CLOCK: variants seen among roughly 807,000 people sequenced by gnomAD.
CLOCK encodes clock circadian regulator.
CLOCK carries 43 observed loss-of-function variants against 118.4 expected under a neutral mutation model. That is an observed-to-expected ratio of 0.36 (90% confidence interval 0.28 to 0.47). The LOEUF (loss-of-function observed/expected upper bound fraction) is 0.47. CLOCK is among the 20% of genes least tolerant of loss of function. The probability of loss-of-function intolerance (pLI) is 1.00; values close to 1 mark genes in which losing one functional copy is unlikely to be tolerated. For missense variants in CLOCK, 846 were observed against 999.9 expected (o/e 0.85, Z 2.08); for synonymous variants, 326 against 339.2 (o/e 0.96, Z 0.43).
chr4:55,489,194 C>T (rs1175464799), intron 3 of CLOCK, among the ~76,000 whole-genome samples, 180 bp downstream of exon 3: 5 of 152,142 alleles, frequency 3.3e-5, no homozygotes, highest in African/African-American at 7.2e-5. Flanking sequence ...CACTGAATCC[C>T]CAGTATCTAA....
intron 1 of CLOCK, among the ~76,000 whole-genome samples, chr4:55,515,143 A>T (rs1429128350): frequency 1.3e-5 from 2 of 152,180 alleles, no homozygotes; most frequent in Non-Finnish European, 2.9e-5. Context: ...GGTCCATTTC[A>T]TCTAGGTTAT....
At chr4:55,540,536 A>G (rs1349112652) in intron 1 of CLOCK, 3 of 151,988 alleles carry the variant, frequency 2.0e-5, no homozygotes, top group Non-Finnish European at 4.4e-5. Flanking sequence ...TTTTTTTTTG[A>G]TACCAAAACC....
chr4:55,500,384 C>T (rs1346705232), intron 2 of CLOCK, among the ~76,000 whole-genome samples: 1 of 152,118 alleles, frequency 6.6e-6, no homozygotes, highest in East Asian at 1.9e-4. Flanking sequence ...CACTCTCTCA[C>T]CAAGGCTGCA....
intron 1 of CLOCK, among the ~76,000 whole-genome samples, chr4:55,514,111 T>A (rs1043393235): frequency 6.6e-6 from 1 of 152,120 alleles, no homozygotes; most frequent in African/African-American, 2.4e-5. Context: ...CATTTTTTTA[T>A]CTTACTGCAT....
chr4:55,449,557 A>T, intron 16 of CLOCK, 61 bp from the exon 17 acceptor site: 1 of 1,365,092 alleles, frequency 7.3e-7, no homozygotes, highest in East Asian at 2.3e-5. Flanking sequence ...TTAAAGATTA[A>T]TCTCAAAATG....
chr4:55,482,687 G>C, intron 4 of CLOCK, 52 bp downstream of exon 4: 1 of 1,205,170 alleles, frequency 8.3e-7, no homozygotes, highest in Non-Finnish European at 1.2e-6. Context: ...TATTCTAATA[G>C]TGCATTTTAA....
intron 2 of CLOCK, among the ~76,000 whole-genome samples, chr4:55,493,039 C>T (rs1180843644): frequency 1.3e-5 from 2 of 152,056 alleles, no homozygotes; most frequent in South Asian, 2.1e-4. Flanking sequence ...CTCCCATGAA[C>T]ATGCATTACT....
At chr4:55,493,450 T>A (rs1424676479) in intron 2 of CLOCK, among the ~76,000 whole-genome samples, 1 of 152,208 alleles carries the variant, frequency 6.6e-6, no homozygotes, top group Non-Finnish European at 1.5e-5. Context: ...ACCGGTATAA[T>A]ACAAAACCTA....
intron 4 of CLOCK, among the ~76,000 whole-genome samples, chr4:55,479,900 A>C (rs1043807541): frequency 2.0e-5 from 3 of 152,200 alleles, no homozygotes; most frequent in African/African-American, 7.2e-5. Flanking sequence ...TTATTACATA[A>C]ATTGTAAAAG....
chr4:55,489,520 T>A (rs1213921847), intron 2 of CLOCK, 55 bp from the exon 3 acceptor site: 1 of 152,098 alleles, frequency 6.6e-6, no homozygotes, highest in African/African-American at 2.4e-5. Flanking sequence ...AAGTTTATCA[T>A]TAAAAGGGTT....
chr4:55,449,753 A>G lies in CLOCK; in HGVS notation c.1349-257T>C, dbSNP rs548755203. 2.0e-5 allele frequency among the ~76,000 whole-genome samples: 3 copies of G among 152,308 alleles called. No homozygotes were observed. The East Asian group carries it at 5.8e-4, about 29-fold the overall frequency. ...AATGACAATTATACAAGTCTTCAAAAAGAGAAGACAATAAAAAACTTTCAA... is the reference window on the plus strand; with the variant it reads ...AATGACAATTATACAAGTCTTCAAAGAGAGAAGACAATAAAAAACTTTCAA... On this transcript the variant is annotated intron_variant, in intron 16 of 22. Transcript: ENST00000513440.
intron 2 of CLOCK, among the ~76,000 whole-genome samples, chr4:55,492,122 T>C (rs924746090): frequency 1.3e-5 from 2 of 152,158 alleles, no homozygotes; most frequent in Non-Finnish European, 2.9e-5. Context: ...TCCTTATGCA[T>C]ATTGATGAAA....
intron 2 of CLOCK, among the ~76,000 whole-genome samples, chr4:55,491,097 G>A (rs763154799): frequency 2.0e-5 from 3 of 151,920 alleles, no homozygotes; most frequent in African/African-American, 4.8e-5. Flanking sequence ...CATCAAAAGA[G>A]AAATTAGAAA....
intron 12 of CLOCK, 33 bp from the exon 13 acceptor site, chr4:55,456,036 G>GT (rs1285888592): frequency 1.4e-6 from 2 of 1,404,340 alleles, no homozygotes; most frequent in Non-Finnish European, 2.0e-6. Context: ...ATTATTATAA[G>GT]TTTTTCCATA....
intron 2 of CLOCK, among the ~76,000 whole-genome samples, chr4:55,499,542 C>T (rs1345892390): frequency 2.0e-5 from 3 of 152,240 alleles, no homozygotes; most frequent in Non-Finnish European, 4.4e-5. Flanking sequence ...GCAGGGTTCA[C>T]GCTCCTATGA....
chr4:55,450,745 G>C (rs1724363379), intron 15 of CLOCK, among the ~76,000 whole-genome samples: 1 of 149,800 alleles, frequency 6.7e-6, no homozygotes, highest in African/African-American at 2.4e-5. Flanking sequence ...TTCCAGCCTG[G>C]GCAAAAGAGC....
chr4:55,448,911 C>T (rs1314551491), intron 17 of CLOCK, 43 bp from the exon 18 acceptor site: 4 of 1,377,222 alleles, frequency 2.9e-6, no homozygotes, highest in East Asian at 2.3e-5. Context: ...TTCTCATTCC[C>T]ATACATGAGT....
At chr4:55,517,268 T>A (rs1256539484) in intron 1 of CLOCK, among the ~76,000 whole-genome samples, 1 of 152,174 alleles carries the variant, frequency 6.6e-6, no homozygotes, top group East Asian at 1.9e-4. Context: ...CCCAGCACTT[T>A]GGGAGGCCGA....
chr4:55,515,784 T>C (rs527802117), intron 1 of CLOCK, among the ~76,000 whole-genome samples: 3 of 152,340 alleles, frequency 2.0e-5, no homozygotes, highest in South Asian at 4.1e-4. Context: ...TTTAGATCTT[T>C]ACTCTTTTCT....
Sources: allele counts gnomAD v4.1 joint callset (sites outside exome capture counted in the v4.1 genomes callset), GRCh38; gene constraint gnomAD v4.1.1; transcripts MANE v1.5; gene names NCBI Gene and HGNC (gene_info 2026-07-23, HGNC 2026-07-21).